MKNK1: variants seen among roughly 807,000 people sequenced by gnomAD.
MKNK1 encodes MAPK interacting serine/threonine kinase 1.
A neutral mutation model predicts 49.3 loss-of-function variants in MKNK1; 30 were observed. The ratio of observed to expected loss-of-function variants is 0.61; its 90% CI spans 0.46 to 0.83. The LOEUF (loss-of-function observed/expected upper bound fraction) is 0.83. MKNK1 is among the 40% of genes least tolerant of loss of function. The probability of loss-of-function intolerance (pLI) is 0.00; values close to 1 mark genes in which losing one functional copy is unlikely to be tolerated. For missense variants in MKNK1, 423 were observed against 524.7 expected, an observed-to-expected ratio of 0.81 and a Z score of 1.89; for synonymous variants, 176 against 201.7, an observed-to-expected ratio of 0.87 and a Z score of 1.08.
At chr1:46,571,171 C>A (rs971816380) in intron 7 of MKNK1, among the ~76,000 whole-genome samples, 2 of 152,188 alleles carry the variant, frequency 1.3e-5, no homozygotes, top group Non-Finnish European at 2.9e-5. Flanking sequence ...GGGGCTGTAA[C>A]CTGAAGCGTA....
chr1:46,565,396 A>T lies in MKNK1; in HGVS notation c.514-260T>A. ...TGTCAGATTATTGTGAACTCAGACT[A>T]AAGGAAGTATGGAACTCTTGCTGGC... On this transcript the variant is annotated intron_variant, in intron 8 of 12. Coordinates refer to ENST00000371945, the MANE Select transcript of MKNK1 (RefSeq NM_001135553.4). 3 of 489,342 alleles carry T rather than the reference A, an allele frequency of 6.1e-6. No homozygotes were observed. In the Admixed American group the frequency reaches 1.0e-4, roughly 16 times the overall value. 30.3% of individuals were successfully genotyped at this position (489,342 alleles called of 1,614,324 possible).
chr1:46,560,272 A>T lies in MKNK1; in HGVS notation c.975T>A (p.Ala325=). The change falls in exon 12 of 13, where the codon GCT becomes GCA. Residue 325 remains alanine, a synonymous_variant. Transcript: ENST00000371945. The part of the protein sequence containing the change: ...VLQHPWVQGQ[A]PEKGLPTPQV... The stretch of plus-strand genomic sequence containing the variant: ...GCGGCGTGGGGAGTCCCTTTTCTGG[A>T]GCTTGCTAGAATGGGAAGGACAGAT... 2.5e-6 allele frequency: 4 copies of T among 1,613,976 alleles called. No individual in the cohort carries two copies. The highest frequency in any genetic ancestry group is 3.4e-6 in the Non-Finnish European group (4 of 1,179,996).
At chr1:46,561,374 C>T in intron 11 of MKNK1, 104 bp downstream of exon 11, 1 of 1,337,274 alleles carries the variant, frequency 7.5e-7, no homozygotes, top group Non-Finnish European at 1.0e-6. Context: ...TTCAGCTGCA[C>T]CAGCCACAAG....
intron 2 of MKNK1, chr1:46,593,894 G>C: frequency 3.1e-6 from 1 of 318,916 alleles, no homozygotes; most frequent in Non-Finnish European, 5.8e-6. Flanking sequence ...ATATGTTTTA[G>C]TTACATGTTT....
At chr1:46,577,838 A>G (rs978772684) in intron 4 of MKNK1, among the ~76,000 whole-genome samples, 3 of 152,226 alleles carry the variant, frequency 2.0e-5, no homozygotes, top group African/African-American at 7.2e-5. Context: ...ACCACTGCAC[A>G]CCGAGCCTGT....
Position 46,562,887 on chromosome 1 carries a change from G to A in MKNK1, c.610-44C>T. 5 of 1,506,704 alleles carry A rather than the reference G, an allele frequency of 3.3e-6. 1 individual carries two copies. In the South Asian group the frequency reaches 4.9e-5, roughly 15 times the overall value. The allele number at this position is 1,506,704 out of a possible 1,614,324, so 93.3% of individuals were successfully genotyped here. A position where few individuals can be genotyped will look rare whatever the true frequency, so the allele number is the denominator to read the frequency against. ...GGGGAGGGGGAGATGGCAGAGAACAGAGAGGCTTAGTTACAGCAGAGGGGA... is the reference window on the plus strand; with the variant it reads ...GGGGAGGGGGAGATGGCAGAGAACAAAGAGGCTTAGTTACAGCAGAGGGGA... On this transcript the variant is annotated intron_variant, in intron 9 of 12. Transcript: ENST00000371945.
At chr1:46,586,564 C>T (rs1011841372) in intron 2 of MKNK1, among the ~76,000 whole-genome samples, 1 of 152,130 alleles carries the variant, frequency 6.6e-6, no homozygotes, top group Non-Finnish European at 1.5e-5. Context: ...ACATAGCAGC[C>T]ATCAGAAATT....
chr1:46,583,170 T>C, intron 3 of MKNK1, 58 bp downstream of exon 3: 1 of 1,362,198 alleles, frequency 7.3e-7, no homozygotes, highest in Non-Finnish European at 1.0e-6. Flanking sequence ...GCTCCCGGGA[T>C]GCTCCTCCCA....
At chr1:46,563,210 CCAGTTCCACA>C (rs1339036089) in intron 9 of MKNK1, among the ~76,000 whole-genome samples, 5 of 152,206 alleles carry the variant, frequency 3.3e-5, no homozygotes, top group African/African-American at 1.2e-4. Flanking sequence ...GGAAGGAGAT[CCAGTTCCACA>C]CAGCAAGATT....
intron 2 of MKNK1, among the ~76,000 whole-genome samples, chr1:46,586,653 A>C (rs1271336127): frequency 1.4e-5 from 2 of 142,888 alleles, no homozygotes; most frequent in African/African-American, 5.1e-5. Context: ...TTAGGTACCC[A>C]GTGCACATCC....
chr1:46,562,770 C>T lies in MKNK1; in HGVS notation c.683G>A (p.Arg228His), dbSNP rs1210270198. The change falls in exon 10 of 13, where the codon CGC becomes CAC. Residue 228 changes from arginine to histidine, a missense_variant. Coordinates refer to ENST00000371945, the MANE Select transcript of MKNK1 (RefSeq NM_001135553.4). ...FTDQATFYDK[R>H]CDLWSLGVVL... is the part of the protein sequence containing the mutation. ...CACGCCCAGGCTCCACAGGTCACAG[C>T]GCTTGTCGTAGAATGTGGCCTGGTC... 5.0e-6 allele frequency: 8 copies of T among 1,611,574 alleles called. No individual in the cohort carries two copies. The highest frequency in any genetic ancestry group is 2.2e-5 in the East Asian group (1 of 44,876).
intron 4 of MKNK1, 146 bp from the exon 5 acceptor site, chr1:46,576,800 A>T (rs750572763): frequency 3.3e-5 from 23 of 702,164 alleles, no homozygotes; most frequent in Non-Finnish European, 5.5e-5. Context: ...TGACACCGGC[A>T]CTGTGGCTCT....
intron 3 of MKNK1, 78 bp downstream of exon 3, chr1:46,583,150 C>T (rs968269390): frequency 1.3e-5 from 15 of 1,118,078 alleles, no homozygotes; most frequent in Admixed American, 3.5e-5. Context: ...ATTCTGTGAT[C>T]GGACCTGTGG....
chr1:46,563,192 G>T (rs1668356085), intron 9 of MKNK1, among the ~76,000 whole-genome samples: 1 of 152,180 alleles, frequency 6.6e-6, no homozygotes, highest in Non-Finnish European at 1.5e-5. Flanking sequence ...CACCAAGAAT[G>T]TGGCTCTGGA....
rs147138664 is a variant in MKNK1, at chr1:46,566,005, C to G, written c.514-869G>C. On this transcript the variant is annotated intron_variant, in intron 8 of 12. Transcript: ENST00000371945. Reference sequence around the variant, plus strand: ...AAAGCATAAAATATGAGATTTTAGCCATTTTTAAGTAGACAGTTTAGTGGT... The same window carrying G: ...AAAGCATAAAATATGAGATTTTAGCGATTTTTAAGTAGACAGTTTAGTGGT... Among the ~76,000 whole-genome samples, 237 of 152,156 alleles carry G rather than the reference C, an allele frequency of 1.6e-3. 3 individuals carry two copies. Among genetic ancestry groups the G allele is most frequent in the African/African-American group, 5.3e-3 (222 of 41,502 alleles).
chr1:46,576,475 T>A, intron 5 of MKNK1, 100 bp downstream of exon 5: 1 of 962,610 alleles, frequency 1.0e-6, no homozygotes, highest in South Asian at 1.3e-5. Context: ...GGGACAGGAG[T>A]GAGAGCTAAA....
At chr1:46,585,735 C>T (rs1333773068) in intron 2 of MKNK1, 8 of 526,660 alleles carry the variant, frequency 1.5e-5, no homozygotes, top group Non-Finnish European at 3.1e-5. Context: ...AATGAGAAAA[C>T]CCTGTTAGCG....
At position 46,594,716 on chromosome 1, in the gene MKNK1, C is replaced by T. The variant is rs112722287; in HGVS notation, c.-170-436G>A. 4.6e-5 allele frequency among the ~76,000 whole-genome samples: 7 copies of T among 152,296 alleles called. 1 individual carries two copies. The highest frequency in any genetic ancestry group is 1.7e-4 in the African/African-American group (7 of 41,556). On this transcript the variant is annotated intron_variant, in intron 1 of 12. Coordinates refer to ENST00000371945, the MANE Select transcript of MKNK1 (RefSeq NM_001135553.4). ...AGGCAAAAGATAAAAGTTGACAGGC[C>T]AGGTGTGGTGGCTCATGCCTGTAAT...
chr1:46,560,125 C>A, intron 12 of MKNK1, 109 bp downstream of exon 12: 1 of 1,239,924 alleles, frequency 8.1e-7, no homozygotes, highest in Non-Finnish European at 1.2e-6. Context: ...GCAGGGAGCC[C>A]CTTTGGAGAA....
Sources: gnomAD v4.1 joint callset for allele counts (sites outside exome capture counted in the v4.1 genomes callset) on GRCh38, gnomAD v4.1.1 for gene constraint, MANE v1.5 for transcripts, NCBI Gene and HGNC (gene_info 2026-07-23, HGNC 2026-07-21) for gene names.